AGAP1: variants seen among roughly 807,000 people sequenced by gnomAD.
The protein encoded by AGAP1 is arf-GAP with GTPase, ANK repeat and PH domain-containing protein 1.
AGAP1 carries 29 observed loss-of-function variants against 105.3 expected under a neutral mutation model. The observed-to-expected ratio is 0.28, with a 90% CI of 0.21 to 0.38. The LOEUF is 0.38. Ranked by LOEUF, AGAP1 falls within the 10% of genes least tolerant of loss-of-function variation. The pLI is 1.00. For missense variants in AGAP1, 998 were observed against 1,165.1 expected, an observed-to-expected ratio of 0.86 and a Z score of 2.09; for synonymous variants, 509 against 485.9, an observed-to-expected ratio of 1.05 and a Z score of -0.63.
rs1943191189 is a variant in AGAP1 at position 235,535,686 on chromosome 2, C to A, written c.163+40837C>A. Reference sequence around the variant, plus strand: ...CTTTAATGCTCTTTGCCATTCAAGCCACTCACTTTCATTTTCTATAGAAAA... The same window carrying A: ...CTTTAATGCTCTTTGCCATTCAAGCAACTCACTTTCATTTTCTATAGAAAA... On this transcript the variant is annotated intron_variant, in intron 1 of 17. Coordinates refer to ENST00000304032, the MANE Select transcript of AGAP1 (RefSeq NM_001037131.3). The surrounding 1 kb of genome is among the most constrained non-coding windows in gnomAD (Gnocchi z 5.1). Among the ~76,000 whole-genome samples the A allele has an allele frequency of 6.6e-6, 1 of 152,048 alleles. No homozygotes were observed. The highest frequency in any genetic ancestry group is 2.1e-4 in the South Asian group (1 of 4,810).
In AGAP1 at chr2:236,046,124, G is replaced by A. The variant is rs1209042267; in HGVS notation, c.1892-2935G>A. On this transcript the variant is annotated intron_variant, in intron 15 of 17. Coordinates refer to ENST00000304032, the MANE Select transcript of AGAP1 (RefSeq NM_001037131.3). The surrounding 1 kb of genome is among the most constrained non-coding windows in gnomAD (Gnocchi z 5.2). ...AGCGGCATGGAGGGCGGTGGGGTGGGCATAGGAACCAAATCGGAGGTTCTG... is the reference window on the plus strand; with the variant it reads ...AGCGGCATGGAGGGCGGTGGGGTGGACATAGGAACCAAATCGGAGGTTCTG... The A allele has an allele frequency of 4.6e-6, 2 of 432,950 alleles. No individual in the cohort carries two copies. The highest frequency in any genetic ancestry group is 7.2e-5 in the East Asian group (1 of 13,848). 26.8% of individuals were successfully genotyped at this position (432,950 alleles called of 1,614,324 possible).
rs56955614 is a variant in AGAP1, at chr2:235,887,459, G to C, written c.1155+4010G>C. Reference sequence around the variant, plus strand: ...GTAGACCTATATCAAGTCATTAAAAGTAGATGTTAACCTGTCAGTGGACCA... The same window carrying C: ...GTAGACCTATATCAAGTCATTAAAACTAGATGTTAACCTGTCAGTGGACCA... On this transcript the variant is annotated intron_variant, in intron 10 of 17. Transcript: ENST00000304032. This position sits in a 1 kb window ranked among gnomAD's most constrained non-coding sequence, Gnocchi z 4.1. Among the ~76,000 whole-genome samples the C allele has an allele frequency of 0.022, 3,384 of 152,296 alleles. 116 individuals carry two copies. Among genetic ancestry groups the C allele is most frequent in the African/African-American group, 0.078 (3,223 of 41,540 alleles).
Position 235,767,786 on chromosome 2 carries a change from T to C in AGAP1, c.673+17298T>C, listed in dbSNP as rs1345351710. Among the ~76,000 whole-genome samples, 3 of 139,302 alleles carry C rather than the reference T, an allele frequency of 2.2e-5. No individual in the cohort carries two copies. In the East Asian group the frequency reaches 6.3e-4, roughly 29 times the overall value. The allele number at this position is 139,302 out of a possible 152,430, so 91.4% of individuals were successfully genotyped here. On this transcript the variant is annotated intron_variant, in intron 6 of 17. Coordinates refer to ENST00000304032, the MANE Select transcript of AGAP1 (RefSeq NM_001037131.3). ...TCTTCCAGTTTCTTGTCTTTTTTTT[T>C]TTTTTTTTTTTTTTTTGAGACACAG...
At chr2:235,618,571 A>G (rs1195677654) in intron 1 of AGAP1, among the ~76,000 whole-genome samples, 1 of 152,208 alleles carries the variant, frequency 6.6e-6, no homozygotes, top group Non-Finnish European at 1.5e-5. Flanking sequence ...ATAGATGAAA[A>G]GGCTTTAGTT....
At position 235,717,155 on chromosome 2, in the gene AGAP1, C is replaced by T. The variant is rs140158642; in HGVS notation, c.223-402C>T. ...TGCTACCATGCATGGGTCCTCGCCA[C>T]TCTCCCCACGTCACTCACCTCTGCC... is the stretch of plus-strand genomic sequence containing the variant. On this transcript the variant is annotated intron_variant, in intron 2 of 17. Coordinates refer to ENST00000304032, the MANE Select transcript of AGAP1 (RefSeq NM_001037131.3). 8.4e-4 allele frequency among the ~76,000 whole-genome samples: 128 copies of T among 152,300 alleles called. 3 individuals carry two copies. The East Asian group carries it at 0.02, about 24-fold the overall frequency.
chr2:235,636,613 A>G (rs1947010457), intron 1 of AGAP1, among the ~76,000 whole-genome samples: 1 of 152,118 alleles, frequency 6.6e-6, no homozygotes, highest in East Asian at 1.9e-4. Flanking sequence ...CCACATCAGC[A>G]TCCCATGACA....
At chr2:235,817,438 CTT>C (rs952660407) in intron 9 of AGAP1, among the ~76,000 whole-genome samples, 6 of 151,988 alleles carry the variant, frequency 3.9e-5, no homozygotes, top group Non-Finnish European at 8.8e-5. Flanking sequence ...AGCAAAAACA[CTT>C]TTTCCTCTCC....
rs1180802626 is a variant in AGAP1 at position 236,130,413 on chromosome 2, A to T, written c.*6291A>T. 1 of 152,136 alleles carries T rather than the reference A, an allele frequency of 6.6e-6. No individual in the cohort carries two copies. Among genetic ancestry groups the T allele is most frequent in the Non-Finnish European group, 1.5e-5 (1 of 68,056 alleles). 9.4% of individuals were successfully genotyped at this position (152,136 alleles called of 1,614,324 possible). A position where few individuals can be genotyped will look rare whatever the true frequency, so the allele number is the denominator to read the frequency against. On this transcript the variant is annotated 3_prime_UTR_variant, in exon 18 of 18. Transcript: ENST00000304032. This position sits in a 1 kb window ranked among gnomAD's most constrained non-coding sequence, Gnocchi z 5.8. ...GATGCAGGTGAAAGAAAGGAACCAA[A>T]CAAGGCATGAGTGTGTTGGGGAATC...
At chr2:235,897,276 C>A (rs1450558337) in intron 10 of AGAP1, among the ~76,000 whole-genome samples, 1 of 152,054 alleles carries the variant, frequency 6.6e-6, no homozygotes, top group African/African-American at 2.4e-5. Flanking sequence ...CTGACCTCAA[C>A]TGATCCGCCC....
intron 16 of AGAP1, among the ~76,000 whole-genome samples, chr2:236,107,429 C>T (rs773952180): frequency 5.3e-5 from 8 of 152,146 alleles, no homozygotes; most frequent in Non-Finnish European, 8.8e-5. Flanking sequence ...CCTTTTTGCG[C>T]GCTTTCATGA....
At position 235,960,567 on chromosome 2, in the gene AGAP1, C is replaced by G. The variant is rs2054138429; in HGVS notation, c.1484-7895C>G. Among the ~76,000 whole-genome samples, 1 of 152,196 alleles carries G rather than the reference C, an allele frequency of 6.6e-6. No homozygotes were observed. The highest frequency in any genetic ancestry group is 1.5e-5 in the Non-Finnish European group (1 of 68,042). ...TCACTTCTCCCTGCACCTGTGGCCC[C>G]TGCTATCGGCGTGCTTACTGGAGAT... On this transcript the variant is annotated intron_variant, in intron 12 of 17. Coordinates refer to ENST00000304032, the MANE Select transcript of AGAP1 (RefSeq NM_001037131.3). The surrounding 1 kb of genome is among the most constrained non-coding windows in gnomAD (Gnocchi z 4.9).
Position 236,073,553 on chromosome 2 carries a change from G to A in AGAP1, c.2114+24272G>A, listed in dbSNP as rs1391597338. 4.6e-5 allele frequency among the ~76,000 whole-genome samples: 7 copies of A among 152,156 alleles called. No homozygotes were observed. Among genetic ancestry groups the A allele is most frequent in the Non-Finnish European group, 1.0e-4 (7 of 68,034 alleles). On this transcript the variant is annotated intron_variant, in intron 16 of 17. Transcript: ENST00000304032. The surrounding 1 kb of genome is among the most constrained non-coding windows in gnomAD (Gnocchi z 5.4). ...CATCTTGGTGTTGCGCCAGTCAGGA[G>A]TAATTGTTGTAAGTTAGGCTTTGAC...
rs779100473 is a variant in AGAP1 at position 236,012,673 on chromosome 2, A to G, written c.1646-23888A>G. Among the ~76,000 whole-genome samples, 5 of 152,232 alleles carry G rather than the reference A, an allele frequency of 3.3e-5. No homozygotes were observed. Among genetic ancestry groups the G allele is most frequent in the African/African-American group, 4.8e-5 (2 of 41,456 alleles). ...AGTGAAGAAACCTGAAGGTATAGAC[A>G]TAAAGAAGTCTTCACTTGTGAAAAA... On this transcript the variant is annotated intron_variant, in intron 13 of 17. Coordinates refer to ENST00000304032, the MANE Select transcript of AGAP1 (RefSeq NM_001037131.3). This position sits in a 1 kb window ranked among gnomAD's most constrained non-coding sequence, Gnocchi z 4.9.
intron 1 of AGAP1, among the ~76,000 whole-genome samples, chr2:235,607,963 C>T (rs747054005): frequency 6.6e-5 from 10 of 152,170 alleles, no homozygotes; most frequent in Admixed American, 3.3e-4. Flanking sequence ...TCTAGATCTT[C>T]GAGTTTTGAC....
At position 236,076,884 on chromosome 2, in the gene AGAP1, T is replaced by C. The variant is rs557169605; in HGVS notation, c.2114+27603T>C. 2.6e-5 allele frequency among the ~76,000 whole-genome samples: 4 copies of C among 151,734 alleles called. No individual in the cohort carries two copies. Among genetic ancestry groups the C allele is most frequent in the Non-Finnish European group, 5.9e-5 (4 of 67,954 alleles). On this transcript the variant is annotated intron_variant, in intron 16 of 17. Transcript: ENST00000304032. This position sits in a 1 kb window ranked among gnomAD's most constrained non-coding sequence, Gnocchi z 4.4. ...ACTTTGGGAGGCCAAGGTGGGCAGA[T>C]TGCTTGAGCCTAGGAGTTCAAGACC... is the stretch of plus-strand genomic sequence containing the variant.
rs535015213 is a variant in AGAP1, at chr2:235,870,375, C to T, written c.1051-12970C>T. Reference sequence around the variant, plus strand: ...CTAAAAAGGTGGAGAGGCTGTAATCCCAGCACTTTGGGAGGCTGAGGCAGG... The same window carrying T: ...CTAAAAAGGTGGAGAGGCTGTAATCTCAGCACTTTGGGAGGCTGAGGCAGG... On this transcript the variant is annotated intron_variant, in intron 9 of 17. Coordinates refer to ENST00000304032, the MANE Select transcript of AGAP1 (RefSeq NM_001037131.3). Among the ~76,000 whole-genome samples, 4 of 152,262 alleles carry T rather than the reference C, an allele frequency of 2.6e-5. No homozygotes were observed. The South Asian group carries it at 8.3e-4, about 32-fold the overall frequency.
chr2:235,872,771 T>A lies in AGAP1; in HGVS notation c.1051-10574T>A, dbSNP rs1212828837. Among the ~76,000 whole-genome samples the A allele has an allele frequency of 6.6e-6, 1 of 152,222 alleles. No individual in the cohort carries two copies. Among genetic ancestry groups the A allele is most frequent in the African/African-American group, 2.4e-5 (1 of 41,458 alleles). The stretch of plus-strand genomic sequence containing the variant: ...TAAGGAAAGCGACGGGCCCCCTGTC[T>A]TCCCCGATTGGTTTCCATTTAGCTG... On this transcript the variant is annotated intron_variant, in intron 9 of 17. Coordinates refer to ENST00000304032, the MANE Select transcript of AGAP1 (RefSeq NM_001037131.3). The surrounding 1 kb of genome is among the most constrained non-coding windows in gnomAD (Gnocchi z 4.5).
chr2:236,091,977 C>T (rs368727125), intron 16 of AGAP1, among the ~76,000 whole-genome samples: 46 of 152,210 alleles, frequency 3.0e-4, no homozygotes, highest in African/African-American at 1.0e-3. Context: ...ACAACTTAGG[C>T]GAATCTACAG....
At chr2:235,999,135 G>A (rs1317164458) in intron 13 of AGAP1, among the ~76,000 whole-genome samples, 6 of 146,590 alleles carry the variant, frequency 4.1e-5, no homozygotes, top group African/African-American at 1.5e-4. Context: ...TAGTGATTGT[G>A]GTGACGATGG....
Sources: gnomAD v4.1 joint callset for allele counts (sites outside exome capture counted in the v4.1 genomes callset) on GRCh38, gnomAD v4.1.1 for gene constraint, Gnocchi (gnomAD v3.1) non-coding constraint, MANE v1.5 for transcripts, NCBI Gene and HGNC (gene_info 2026-07-23, HGNC 2026-07-21) for gene names.